The following RB1 variants were observed in gnomAD, a reference collection of about 807,000 sequenced individuals.
RB1 encodes the protein RB transcriptional corepressor 1, also known as retinoblastoma-associated protein.
In RB1, 18 loss-of-function variants were observed where a neutral mutation model predicts 135.4. The ratio of observed to expected loss-of-function variants is 0.13; its 90% CI spans 0.09 to 0.20. The LOEUF (loss-of-function observed/expected upper bound fraction) is 0.20. Ranked by LOEUF, RB1 falls within the 10% of genes least tolerant of loss-of-function variation. The probability of loss-of-function intolerance (pLI) is 1.00; values close to 1 mark genes in which losing one functional copy is unlikely to be tolerated. For synonymous variants in RB1, 365 were observed against 373.2 expected, an observed-to-expected ratio of 0.98 and a Z score of 0.25; for missense variants, 868 against 1,110.0, an observed-to-expected ratio of 0.78 and a Z score of 3.10.
At chr13:48,401,158 A>G (rs116868437) in intron 17 of RB1, 8 of 152,336 alleles carry the variant, frequency 5.3e-5, no homozygotes, top group Non-Finnish European at 1.2e-4. Context: ...GCAATGGTAG[A>G]AGAATAGCTA....
intron 17 of RB1, among the ~76,000 whole-genome samples, chr13:48,413,772 G>A (rs1273343156): frequency 6.6e-6 from 1 of 152,116 alleles, no homozygotes; most frequent in Non-Finnish European, 1.5e-5. Flanking sequence ...ACTCAAGAAT[G>A]TTTATCTTTG....
chr13:48,353,170 T>A (rs561327416), intron 6 of RB1, among the ~76,000 whole-genome samples: 37 of 152,038 alleles, frequency 2.4e-4, no homozygotes, highest in East Asian at 1.5e-3. Flanking sequence ...AGTGTTTTTT[T>A]AAAAAGTTAA....
chr13:48,365,494 T>G (rs572321948), intron 9 of RB1, among the ~76,000 whole-genome samples: 1 of 152,332 alleles, frequency 6.6e-6, no homozygotes, highest in Admixed American at 6.5e-5. Flanking sequence ...CTACCTGTTT[T>G]GTTTCGCATT....
intron 6 of RB1, among the ~76,000 whole-genome samples, chr13:48,355,723 G>A (rs1247814496): frequency 6.6e-6 from 1 of 152,014 alleles, no homozygotes; most frequent in Non-Finnish European, 1.5e-5. Flanking sequence ...ATACACAATG[G>A]AGTACTATTC....
intron 2 of RB1, among the ~76,000 whole-genome samples, chr13:48,336,987 C>T (rs1465249842): frequency 4.6e-5 from 7 of 152,132 alleles, no homozygotes; most frequent in African/African-American, 9.7e-5. Context: ...TGTAGTTATG[C>T]GGTTTTGAGT....
chr13:48,407,568 AT>A (rs1374792060), intron 17 of RB1, among the ~76,000 whole-genome samples: 1 of 152,236 alleles, frequency 6.6e-6, no homozygotes, highest in Non-Finnish European at 1.5e-5. Flanking sequence ...TTTAGGAGTT[AT>A]GTACATGCTG....
intron 17 of RB1, among the ~76,000 whole-genome samples, chr13:48,443,601 G>A (rs1949259054): frequency 6.6e-6 from 1 of 152,124 alleles, no homozygotes; most frequent in Non-Finnish European, 1.5e-5. Flanking sequence ...CTTGTGTAAG[G>A]AAACCATGAA....
intron 2 of RB1, chr13:48,328,404 A>G (rs1952305781): frequency 8.9e-6 from 13 of 1,459,578 alleles, no homozygotes; most frequent in Non-Finnish European, 1.2e-5. Flanking sequence ...GGCAAATCCA[A>G]AGTTGGAGAT....
At chr13:48,406,045 TC>T (rs1354271732) in intron 17 of RB1, among the ~76,000 whole-genome samples, 2 of 152,078 alleles carry the variant, frequency 1.3e-5, no homozygotes, top group African/African-American at 4.8e-5. Flanking sequence ...TGATTGGACA[TC>T]TAGGTGGTTT....
At chr13:48,426,542 A>G (rs1447950116) in intron 17 of RB1, 1 of 152,266 alleles carries the variant, frequency 6.6e-6, no homozygotes, top group Non-Finnish European at 1.5e-5. Flanking sequence ...TGGAGCTAGC[A>G]CTGGATCCTA....
chr13:48,449,832 G>A (rs1949315085), intron 17 of RB1, among the ~76,000 whole-genome samples: 1 of 152,098 alleles, frequency 6.6e-6, no homozygotes, highest in South Asian at 2.1e-4. Context: ...CATTCATTTG[G>A]CATCTTTAAC....
chr13:48,388,657 T>A (rs902870261), intron 17 of RB1, among the ~76,000 whole-genome samples: 90 of 152,182 alleles, frequency 5.9e-4, no homozygotes, highest in African/African-American at 2.1e-3. Flanking sequence ...AAGCTATTAA[T>A]CCTTATGCTT....
At position 48,479,978 on chromosome 13, in the gene RB1, G is replaced by C. The variant is rs914574679; in HGVS notation, c.2714-20G>C. 8 of 1,607,048 alleles carry C rather than the reference G, an allele frequency of 5.0e-6. No homozygotes were observed. In the African/African-American group the frequency reaches 1.1e-4, roughly 22 times the overall value. On this transcript the variant is annotated intron_variant, in intron 26 of 26. Coordinates refer to ENST00000267163, the MANE Select transcript of RB1 (RefSeq NM_000321.3). ...CCCAGTACCATCAATGCTGTTAACAGTTCTTCATCCTTTTTCCAGCTTCTA... is the reference window on the plus strand; with the variant it reads ...CCCAGTACCATCAATGCTGTTAACACTTCTTCATCCTTTTTCCAGCTTCTA...
chr13:48,376,565 C>CT (rs1437574948), intron 12 of RB1, among the ~76,000 whole-genome samples: 2 of 150,460 alleles, frequency 1.3e-5, no homozygotes, highest in East Asian at 3.9e-4. Context: ...ATTTCATTTG[C>CT]TTTTTCGGAA....
chr13:48,456,435 A>G (rs1949360915), intron 19 of RB1, 86 bp downstream of exon 19: 1 of 1,528,590 alleles, frequency 6.5e-7, no homozygotes, highest in African/African-American at 1.4e-5. Flanking sequence ...TTCTAGGTAC[A>G]TTACTGGGCA....
chr13:48,399,133 G>C (rs568020388), intron 17 of RB1, among the ~76,000 whole-genome samples: 140 of 152,112 alleles, frequency 9.2e-4, no homozygotes, highest in Middle Eastern at 3.4e-3. Context: ...TTAGGTATTT[G>C]GATCAACTTT....
chr13:48,430,438 C>T (rs565717401), intron 17 of RB1, among the ~76,000 whole-genome samples: 18 of 152,182 alleles, frequency 1.2e-4, no homozygotes, highest in South Asian at 4.1e-4. Flanking sequence ...AAAATGAGCA[C>T]GTTAGAAAAA....
chr13:48,368,690 T>C, intron 11 of RB1, 86 bp downstream of exon 11: 2 of 1,517,932 alleles, frequency 1.3e-6, no homozygotes, highest in Non-Finnish European at 1.8e-6. Context: ...TTTCTTTATG[T>C]ATTCATACAT....
At chr13:48,415,494 G>T (rs1162540413) in intron 17 of RB1, among the ~76,000 whole-genome samples, 2 of 151,978 alleles carry the variant, frequency 1.3e-5, no homozygotes, top group Non-Finnish European at 2.9e-5. Flanking sequence ...GGCCAGGCTG[G>T]TCTTGAACTC....
Sources: gnomAD v4.1 joint callset for allele counts (sites outside exome capture counted in the v4.1 genomes callset) on GRCh38, gnomAD v4.1.1 for gene constraint, MANE v1.5 for transcripts, NCBI Gene and HGNC (gene_info 2026-07-23, HGNC 2026-07-21) for gene names.